Variants in KCTD3 observed in about 807,000 individuals in gnomAD.
The protein encoded by KCTD3 is potassium channel tetramerization domain containing 3.
KCTD3 carries 41 observed loss-of-function variants against 85.8 expected under a neutral mutation model. That is an observed-to-expected ratio of 0.48 (90% CI 0.37 to 0.62). KCTD3 has a LOEUF of 0.62. KCTD3 is among the 20% of genes least tolerant of loss of function. KCTD3 has a pLI of 0.00. For missense variants in KCTD3, 724 were observed against 989.9 expected (o/e 0.73, Z 3.60); for synonymous variants, 338 against 345.4 (o/e 0.98, Z 0.24).
At position 215,578,097 on chromosome 1, in the gene KCTD3, T is replaced by G. The variant is rs761807245; in HGVS notation, c.397+16T>G. 6.2e-7 allele frequency: 1 copy of G among 1,600,634 alleles called. No individual in the cohort carries two copies. ...CCCCCACCAGGTATTTTCACTTTAT[T>G]AAATCTTTTAAAAAATTCCTTGTAT... On this transcript the variant is annotated intron_variant, in intron 6 of 17. Coordinates refer to ENST00000259154, the MANE Select transcript of KCTD3 (RefSeq NM_016121.5).
chr1:215,610,450 G>A lies in KCTD3; in HGVS notation c.1466-1375G>A, dbSNP rs560198486. Among the ~76,000 whole-genome samples the A allele has an allele frequency of 3.3e-5, 5 of 151,890 alleles. 1 individual carries two copies. Among genetic ancestry groups the A allele is most frequent in the African/African-American group, 1.2e-4 (5 of 41,494 alleles). ...ACTATAAATGGGAGGTGGGGGAAGCGAGGGCAAAGAAGGTATGAAGAATAG... is the reference window on the plus strand; with the variant it reads ...ACTATAAATGGGAGGTGGGGGAAGCAAGGGCAAAGAAGGTATGAAGAATAG... On this transcript the variant is annotated intron_variant, in intron 14 of 17. Transcript: ENST00000259154.
At chr1:215,581,815 TAAA>T (rs1283880901) in intron 8 of KCTD3, among the ~76,000 whole-genome samples, 1 of 152,188 alleles carries the variant, frequency 6.6e-6, no homozygotes, top group Non-Finnish European at 1.5e-5. Flanking sequence ...ACAATGGCAA[TAAA>T]AAGATTTCAA....
intron 13 of KCTD3, among the ~76,000 whole-genome samples, chr1:215,606,314 A>G (rs1488403863): frequency 6.6e-6 from 1 of 152,132 alleles, no homozygotes; most frequent in Non-Finnish European, 1.5e-5. Flanking sequence ...TCTGTCCAAC[A>G]ATAACTTTCT....
intron 10 of KCTD3, 79 bp from the exon 11 acceptor site, chr1:215,601,788 T>G: frequency 1.2e-6 from 1 of 859,546 alleles, no homozygotes; most frequent in Non-Finnish European, 1.8e-6. Context: ...ACCAGAAGAA[T>G]CAAAGTTTTG....
At chr1:215,586,808 T>TA in intron 9 of KCTD3, 123 bp downstream of exon 9, 1 of 718,222 alleles carries the variant, frequency 1.4e-6, no homozygotes, top group South Asian at 2.5e-5. Context: ...GTCACAGTAT[T>TA]TAATGTGGGA....
chr1:215,614,498 A>C (rs1558245720), intron 15 of KCTD3, among the ~76,000 whole-genome samples: 1 of 152,126 alleles, frequency 6.6e-6, no homozygotes, highest in African/African-American at 2.4e-5. Flanking sequence ...TTCTTCGAGC[A>C]GTGTTTTTGT....
intron 3 of KCTD3, among the ~76,000 whole-genome samples, chr1:215,574,673 G>A (rs1057186443): frequency 1.4e-4 from 21 of 152,166 alleles, no homozygotes; most frequent in African/African-American, 4.8e-4. Flanking sequence ...ATGCAGATAT[G>A]TCCATGTGAA....
At chr1:215,605,271 A>C (rs1654971280) in intron 13 of KCTD3, among the ~76,000 whole-genome samples, 1 of 152,182 alleles carries the variant, frequency 6.6e-6, no homozygotes, top group Non-Finnish European at 1.5e-5. Flanking sequence ...ATTAAACACC[A>C]TGTGGAGCTG....
chr1:215,614,179 A>C (rs1655343879), intron 15 of KCTD3, among the ~76,000 whole-genome samples: 2 of 151,416 alleles, frequency 1.3e-5, no homozygotes, highest in African/African-American at 4.9e-5. Context: ...TTACAAATGC[A>C]TGCCACCACG....
At chr1:215,615,334 A>G (rs1404210445) in intron 15 of KCTD3, among the ~76,000 whole-genome samples, 1 of 152,064 alleles carries the variant, frequency 6.6e-6, no homozygotes, top group Non-Finnish European at 1.5e-5. Flanking sequence ...TAAGAAATCT[A>G]TCCCGGCCGG....
At chr1:215,570,287 T>A (rs1312882318) in intron 1 of KCTD3, among the ~76,000 whole-genome samples, 1 of 152,162 alleles carries the variant, frequency 6.6e-6, no homozygotes, top group Non-Finnish European at 1.5e-5. Flanking sequence ...TCAAAGGAAT[T>A]ATAGAAATGA....
In KCTD3 at chr1:215,567,998, G is replaced by A. The variant is rs1006910199; in HGVS notation, c.83+230G>A. 3.3e-5 allele frequency among the ~76,000 whole-genome samples: 5 copies of A among 152,336 alleles called. No homozygotes were observed. In the East Asian group the frequency reaches 7.7e-4, roughly 24 times the overall value. On this transcript the variant is annotated intron_variant, in intron 1 of 17. Coordinates refer to ENST00000259154, the MANE Select transcript of KCTD3 (RefSeq NM_016121.5). ...GACGCTTGGAATTACCGAGGACCAGGCCCATGTGGCAGAGTAGCTGCTGTC... is the reference window on the plus strand; with the variant it reads ...GACGCTTGGAATTACCGAGGACCAGACCCATGTGGCAGAGTAGCTGCTGTC...
Position 215,620,318 on chromosome 1 carries a change from A to T in KCTD3, c.2148A>T (p.Ile716=). The T allele has an allele frequency of 6.2e-7, 1 of 1,614,048 alleles. No homozygotes were observed. The highest frequency in any genetic ancestry group is 1.3e-5 in the African/African-American group (1 of 75,058). ...AGAGAAAGTCTCCTGGAGTAGAAAT[A>T]AAAAGTTTGAGAGAATTGGATAGTG... ...ISERKSPGVE[I]KSLRELDSGL... The change falls in exon 18 of 18, where the codon ATA becomes ATT. Residue 716 remains isoleucine, a synonymous_variant. Coordinates refer to ENST00000259154, the MANE Select transcript of KCTD3 (RefSeq NM_016121.5).
chr1:215,610,989 A>T (rs1251823333), intron 14 of KCTD3, among the ~76,000 whole-genome samples: 2 of 151,930 alleles, frequency 1.3e-5, no homozygotes, highest in Non-Finnish European at 2.9e-5. Flanking sequence ...TTTTTATTGT[A>T]AATCTTTTTA....
chr1:215,619,523 A>G (rs945498710), intron 17 of KCTD3, among the ~76,000 whole-genome samples: 5 of 152,206 alleles, frequency 3.3e-5, no homozygotes, highest in African/African-American at 9.6e-5. Context: ...TTGCTGCCCA[A>G]TTGGAAGCCT....
chr1:215,586,834 T>C, intron 9 of KCTD3, 149 bp downstream of exon 9: 1 of 605,902 alleles, frequency 1.7e-6, no homozygotes, highest in Non-Finnish European at 2.7e-6. Context: ...GATCTGATAA[T>C]GAAGGAAAAA....
chr1:215,618,714 A>AT (rs1454114770), intron 15 of KCTD3, 172 bp from the exon 16 acceptor site: 3 of 579,984 alleles, frequency 5.2e-6, no homozygotes, highest in Non-Finnish European at 9.0e-6. Context: ...AGAGCTGTAT[A>AT]TTTTTTCTGG....
At chr1:215,585,073 G>T (rs1659957141) in intron 8 of KCTD3, among the ~76,000 whole-genome samples, 1 of 152,082 alleles carries the variant, frequency 6.6e-6, no homozygotes, top group Non-Finnish European at 1.5e-5. Flanking sequence ...CTGGAAAGGG[G>T]TCCTCATCCA....
chr1:215,594,654 G>GT (rs144199183), intron 9 of KCTD3, among the ~76,000 whole-genome samples: 3,236 of 152,198 alleles, frequency 0.021, 107 homozygotes, highest in African/African-American at 0.072. Context: ...ATTGGTTGCA[G>GT]TTTTTTCTCT....
Sources: gnomAD v4.1 joint callset for allele counts (sites outside exome capture counted in the v4.1 genomes callset) on GRCh38, gnomAD v4.1.1 for gene constraint, MANE v1.5 for transcripts, NCBI Gene and HGNC (gene_info 2026-07-23, HGNC 2026-07-21) for gene names.